The following KIF19 variants were observed in gnomAD, a reference collection of about 807,000 sequenced individuals.
The protein encoded by KIF19 is kinesin family member 19.
In KIF19, 98 loss-of-function variants were observed where a neutral mutation model predicts 106.6. The ratio of observed to expected loss-of-function variants is 0.92; its 90% CI spans 0.78 to 1.09. KIF19 has a LOEUF of 1.09. KIF19 is among the 50% of genes least tolerant of loss of function. KIF19 has a pLI of 0.00. For missense variants in KIF19, 1,373 were observed against 1,414.3 expected (o/e 0.97, Z 0.47); for synonymous variants, 516 against 584.2 (o/e 0.88, Z 1.68).
chr17:74,346,102 G>T lies in KIF19; in HGVS notation c.778-276G>T, dbSNP rs142584231. Among the ~76,000 whole-genome samples, 39 of 152,336 alleles carry T rather than the reference G, an allele frequency of 2.6e-4. No individual in the cohort carries two copies. The highest frequency in any genetic ancestry group is 3.4e-3 in the Middle Eastern group (1 of 294). The stretch of plus-strand genomic sequence containing the variant: ...GCAACCTCCCTCCCATCTCATCCAT[G>T]GCACTGTGTGTCAGGCCGTGCCACG... On this transcript the variant is annotated intron_variant, in intron 7 of 19. Coordinates refer to ENST00000389916, the MANE Select transcript of KIF19 (RefSeq NM_153209.4). The surrounding 1 kb of genome is among the most constrained non-coding windows in gnomAD (Gnocchi z 4.6).
At chr17:74,345,375 C>T (rs1381764677) in intron 7 of KIF19, among the ~76,000 whole-genome samples, 3 of 152,104 alleles carry the variant, frequency 2.0e-5, no homozygotes, top group Non-Finnish European at 4.4e-5. Context: ...GACAAGCATC[C>T]CCTGACTGGG....
chr17:74,342,747 G>T, intron 4 of KIF19, 30 bp downstream of exon 4: 1 of 1,579,096 alleles, frequency 6.3e-7, no homozygotes, highest in Non-Finnish European at 8.7e-7. Flanking sequence ...TGTGGGCGAG[G>T]ACCGCAATGC....
At chr17:74,332,210 T>TTGTGTGTGTGTGTGTG (rs71157056) in intron 2 of KIF19, among the ~76,000 whole-genome samples, 1 of 108,764 alleles carries the variant, frequency 9.2e-6, no homozygotes, top group African/African-American at 3.6e-5. Context: ...GTGTGTGTGT[T>TTGTGTGTGTGTGTGTG]TGTGTGTGTG....
In KIF19 at chr17:74,354,910, C is replaced by G; in HGVS notation, c.2835C>G (p.Ala945=). The G allele has an allele frequency of 6.3e-7, 1 of 1,575,494 alleles. No individual in the cohort carries two copies. The highest frequency in any genetic ancestry group is 2.3e-5 in the East Asian group (1 of 42,872). ...TGGGAAAGGTCACGCTACCTTTGGCCAAAGTCAAACTCCCTCCAAGCCAGA... is the reference window on the plus strand; with the variant it reads ...TGGGAAAGGTCACGCTACCTTTGGCGAAAGTCAAACTCCCTCCAAGCCAGA... ...RHLGKVTLPL[A]KVKLPPSQNT... is the part of the protein sequence containing the mutation. The change falls in exon 19 of 20, where the codon GCC becomes GCG. Residue 945 remains alanine, a synonymous_variant. Coordinates refer to ENST00000389916, the MANE Select transcript of KIF19 (RefSeq NM_153209.4).
chr17:74,352,962 G>T lies in KIF19; in HGVS notation c.2114+8G>T. 1 of 1,613,188 alleles carries T rather than the reference G, an allele frequency of 6.2e-7. No individual in the cohort carries two copies. The highest frequency in any genetic ancestry group is 2.2e-5 in the East Asian group (1 of 44,864). On this transcript the variant is annotated splice_region_variant and intron_variant, in intron 15 of 19. Transcript: ENST00000389916. ...TCCCCTCAGCACAGAGAGGTGAGAT[G>T]GGGGCCACCTGCCCCAGCCCCCACC...
intron 2 of KIF19, among the ~76,000 whole-genome samples, chr17:74,339,821 G>T (rs2054314117): frequency 6.6e-6 from 1 of 152,234 alleles, no homozygotes; most frequent in African/African-American, 2.4e-5. Flanking sequence ...GTGGTTGGGG[G>T]TGGTGCATGA....
chr17:74,351,034 T>A (rs1325383329), intron 12 of KIF19, 129 bp downstream of exon 12: 1 of 907,002 alleles, frequency 1.1e-6, no homozygotes, highest in Non-Finnish European at 1.8e-6. Context: ...AAATCCTGTG[T>A]GACTTTGCTA....
chr17:74,351,066 G>A lies in KIF19; in HGVS notation c.1587+161G>A, dbSNP rs59612020. ...GCTAAGCTCTTTAACTTCTCTATGC[G>A]TCACATTCCCCACCTGTAAAATGGG... On this transcript the variant is annotated intron_variant, in intron 12 of 19. Transcript: ENST00000389916. 5.3e-3 allele frequency: 3,596 copies of A among 684,104 alleles called. 106 individuals are homozygous for A. In the African/African-American group the frequency reaches 0.056, roughly 11 times the overall value. The allele number at this position is 684,104 out of a possible 1,614,324, so 42.4% of individuals were successfully genotyped here.
At position 74,355,414 on chromosome 17, in the gene KIF19, A is replaced by T. The variant is rs2054856338; in HGVS notation, c.*102A>T. The T allele has an allele frequency of 7.1e-6, 10 of 1,399,314 alleles. No homozygotes were observed. Among genetic ancestry groups the T allele is most frequent in the Non-Finnish European group, 9.4e-6 (10 of 1,060,132 alleles). 86.7% of individuals were successfully genotyped at this position (1,399,314 alleles called of 1,614,324 possible). A position where few individuals can be genotyped will look rare whatever the true frequency, so the allele number is the denominator to read the frequency against. ...GGCAGATGGAGATGACCAGGAAGTA[A>T]GCTCAGGATCTCAGCAGGCCAGGGC... On this transcript the variant is annotated 3_prime_UTR_variant, in exon 20 of 20. Transcript: ENST00000389916.
At chr17:74,333,249 G>A (rs970173587) in intron 2 of KIF19, among the ~76,000 whole-genome samples, 45 of 152,136 alleles carry the variant, frequency 3.0e-4, no homozygotes, top group Non-Finnish European at 2.1e-4. Flanking sequence ...TTAGCCACCT[G>A]CCTGTGTCCC....
chr17:74,341,045 CTGTG>C (rs2054358316), intron 2 of KIF19, among the ~76,000 whole-genome samples: 1 of 152,162 alleles, frequency 6.6e-6, no homozygotes, highest in East Asian at 1.9e-4. Context: ...TTAAAAGAGA[CTGTG>C]TGAGGCCGGG....
At position 74,355,164 on chromosome 17, in the gene KIF19, C is replaced by A. The variant is rs775855002; in HGVS notation, c.2867-18C>A. 6.4e-5 allele frequency: 101 copies of A among 1,580,098 alleles called. No homozygotes were observed. The highest frequency in any genetic ancestry group is 8.4e-5 in the Non-Finnish European group (98 of 1,160,726). ...AGGCATTCCGAAACCACTGATCCTG[C>A]CCCTTTCCCTGTTGCAGGCCCGGGG... On this transcript the variant is annotated intron_variant, in intron 19 of 19. Coordinates refer to ENST00000389916, the MANE Select transcript of KIF19 (RefSeq NM_153209.4).
chr17:74,349,800 GAT>G (rs1491539715), intron 10 of KIF19, among the ~76,000 whole-genome samples: 1 of 107,662 alleles, frequency 9.3e-6, no homozygotes, highest in East Asian at 2.6e-4. Context: ...AGACAGTAAA[GAT>G]TTTTTTTTTT....
intron 2 of KIF19, among the ~76,000 whole-genome samples, chr17:74,332,229 T>A (rs2054114796): frequency 7.0e-6 from 1 of 142,464 alleles, no homozygotes; most frequent in African/African-American, 2.6e-5. Flanking sequence ...TGTGTGTGTG[T>A]GTGTGTGTGT....
At chr17:74,326,873 T>G (rs2053928156) in intron 1 of KIF19, among the ~76,000 whole-genome samples, 1 of 75,072 alleles carries the variant, frequency 1.3e-5, no homozygotes, top group African/African-American at 3.0e-5. Flanking sequence ...TGCCTGGTTC[T>G]TGGGCTGCAA....
intron 2 of KIF19, among the ~76,000 whole-genome samples, chr17:74,333,076 G>A (rs2054136075): frequency 6.6e-6 from 1 of 152,234 alleles, no homozygotes; most frequent in South Asian, 2.1e-4. Context: ...CAGAAGTGCT[G>A]CGGGAGCAGC....
rs562183394 is a variant in KIF19 at position 74,344,859 on chromosome 17, C to T, written c.681C>T (p.Thr227=). Residue 227 remains threonine, a synonymous_variant, in exon 7 of 20, where the codon ACC becomes ACT. Transcript: ENST00000389916. The stretch of plus-strand genomic sequence containing the variant: ...GCTCCCACGCGGTACTGCAGGTGAC[C>T]GTGCGCCAGCGCAGCCGGGTCAAGA... ...SSRSHAVLQV[T]VRQRSRVKNI... is the part of the protein sequence containing the mutation. 1.2e-5 allele frequency: 20 copies of T among 1,612,816 alleles called. No individual in the cohort carries two copies. Among genetic ancestry groups the T allele is most frequent in the African/African-American group, 4.0e-5 (3 of 75,076 alleles).
In KIF19 at chr17:74,347,904, G is replaced by T; in HGVS notation, c.1047+5G>T. 1 of 1,576,996 alleles carries T rather than the reference G, an allele frequency of 6.3e-7. No homozygotes were observed. The highest frequency in any genetic ancestry group is 2.3e-5 in the East Asian group (1 of 42,754). On this transcript the variant is annotated splice_donor_5th_base_variant and intron_variant, in intron 9 of 19. Transcript: ENST00000389916. ...GCCAAGAACATTAAGACTAGGGTGA[G>T]GGCCCCTGGACCGTCCACCAGGACA...
Position 74,346,800 on chromosome 17 carries a change from C to T in KIF19, c.924+276C>T, listed in dbSNP as rs550938651. Among the ~76,000 whole-genome samples, 3 of 152,162 alleles carry T rather than the reference C, an allele frequency of 2.0e-5. No homozygotes were observed. The highest frequency in any genetic ancestry group is 4.4e-5 in the Non-Finnish European group (3 of 68,022). On this transcript the variant is annotated intron_variant, in intron 8 of 19. Coordinates refer to ENST00000389916, the MANE Select transcript of KIF19 (RefSeq NM_153209.4). This position sits in a 1 kb window ranked among gnomAD's most constrained non-coding sequence, Gnocchi z 4.6. ...GGGAAGGAAAAGGAGCACGTGATAC[C>T]CCCACCCAGGGCTGTGGGTCAGAGC...
Sources: allele counts gnomAD v4.1 joint callset (sites outside exome capture counted in the v4.1 genomes callset), GRCh38; gene constraint gnomAD v4.1.1; non-coding constraint Gnocchi (gnomAD v3.1); transcripts MANE v1.5; gene names NCBI Gene and HGNC (gene_info 2026-07-23, HGNC 2026-07-21).